AGMO: variants seen among roughly 807,000 people sequenced by gnomAD.
AGMO encodes glyceryl-ether monooxygenase.
Under a neutral mutation model 60.2 loss-of-function variants are expected in AGMO, and 75 were observed. The ratio of observed to expected loss-of-function variants is 1.25; its 90% CI spans 1.03 to 1.51. AGMO has a LOEUF of 1.51. Among genes scored for constraint, AGMO ranks in the 40% most tolerant of loss-of-function variants. AGMO has a pLI of 0.00. For synonymous variants in AGMO, 261 were observed against 177.1 expected, an observed-to-expected ratio of 1.47 and a Z score of -3.76; for missense variants, 763 against 525.5, an observed-to-expected ratio of 1.45 and a Z score of -4.42.
intron 12 of AGMO, among the ~76,000 whole-genome samples, chr7:15,310,205 T>G: frequency 6.6e-6 from 1 of 152,288 alleles, no homozygotes; most frequent in Admixed American, 6.5e-5. Flanking sequence ...TCAGTAATGT[T>G]ATTTAAACAA....
At chr7:15,232,815 A>G (rs949617669) in intron 12 of AGMO, among the ~76,000 whole-genome samples, 1 of 151,758 alleles carries the variant, frequency 6.6e-6, no homozygotes, top group African/African-American at 2.4e-5. Flanking sequence ...ACACACACAC[A>G]CACACACACA....
intron 6 of AGMO, among the ~76,000 whole-genome samples, chr7:15,393,388 T>TGC (rs1359875352): frequency 6.6e-5 from 10 of 152,392 alleles, no homozygotes; most frequent in Non-Finnish European, 1.5e-4. Flanking sequence ...GATTTATTCA[T>TGC]GCCCTTGCAT....
chr7:15,456,467 C>A (rs921613071), intron 3 of AGMO, among the ~76,000 whole-genome samples: 4 of 152,068 alleles, frequency 2.6e-5, no homozygotes, highest in African/African-American at 9.7e-5. Context: ...ATTCTTGAGG[C>A]CAGTGAGGAC....
At chr7:15,396,237 C>A (rs1247989421) in intron 5 of AGMO, 1 of 152,358 alleles carries the variant, frequency 6.6e-6, no homozygotes, top group Non-Finnish European at 1.5e-5. Context: ...CCCACGGACC[C>A]TCGCAGTGAG....
downstream of AGMO, among the ~76,000 whole-genome samples, chr7:15,195,475 C>T (rs1400495330): frequency 6.6e-6 from 1 of 152,140 alleles, no homozygotes; most frequent in African/African-American, 2.4e-5. Context: ...CATAGTACTG[C>T]GAAGAAGCTT....
At chr7:15,237,455 A>G (rs1213145150) in intron 12 of AGMO, among the ~76,000 whole-genome samples, 3 of 151,980 alleles carry the variant, frequency 2.0e-5, no homozygotes, top group African/African-American at 4.8e-5. Flanking sequence ...TACAATGTCT[A>G]CAGAATATAC....
chr7:15,396,761 G>C (rs1322936967), intron 5 of AGMO, among the ~76,000 whole-genome samples: 2 of 151,558 alleles, frequency 1.3e-5, no homozygotes, highest in Admixed American at 6.6e-5. Context: ...TTTACGGAGA[G>C]CTGATTGGTC....
At chr7:15,205,868 G>A (rs1781426385) in intron 12 of AGMO, among the ~76,000 whole-genome samples, 2 of 151,918 alleles carry the variant, frequency 1.3e-5, no homozygotes, top group Non-Finnish European at 2.9e-5. Flanking sequence ...CTGAAAAATT[G>A]TTTCTGTAGT....
At chr7:15,136,704 G>A in the AGMO span, among the ~76,000 whole-genome samples, 6 of 151,992 alleles carry the variant, frequency 3.9e-5, no homozygotes, top group African/African-American at 1.2e-4. Context: ...GTATACGGCA[G>A]CAATTAATTC....
intron 12 of AGMO, among the ~76,000 whole-genome samples, chr7:15,348,683 T>A (rs933228352): frequency 1.3e-5 from 2 of 152,044 alleles, no homozygotes; most frequent in Non-Finnish European, 2.9e-5. Flanking sequence ...TAAATATGAG[T>A]ATAGCATCAC....
chr7:15,335,192 T>A (rs1311187291), intron 12 of AGMO, among the ~76,000 whole-genome samples: 2 of 152,168 alleles, frequency 1.3e-5, no homozygotes, highest in Non-Finnish European at 2.9e-5. Context: ...GAGTTTTCAG[T>A]GGGTTAGGAT....
chr7:15,376,846 A>C (rs757953597), intron 10 of AGMO, among the ~76,000 whole-genome samples: 1 of 152,076 alleles, frequency 6.6e-6, no homozygotes, highest in African/African-American at 2.4e-5. Context: ...TCATATCACT[A>C]AACTAAACAC....
chr7:15,401,099 T>C (rs1306211865), intron 5 of AGMO, among the ~76,000 whole-genome samples: 1 of 152,124 alleles, frequency 6.6e-6, no homozygotes, highest in African/African-American at 2.4e-5. Context: ...ATCACAATTT[T>C]TTTCATGATA....
intron 12 of AGMO, among the ~76,000 whole-genome samples, chr7:15,288,865 AT>A (rs1260760109): frequency 2.7e-5 from 4 of 147,084 alleles, no homozygotes; most frequent in Non-Finnish European, 4.5e-5. Context: ...AAAAAAAAAA[AT>A]ATATATACAC....
At chr7:15,274,707 T>G (rs1783727976) in intron 12 of AGMO, among the ~76,000 whole-genome samples, 1 of 151,652 alleles carries the variant, frequency 6.6e-6, no homozygotes, top group South Asian at 2.1e-4. Context: ...TTTTTTTTTT[T>G]GGTAGATTTT....
intron 12 of AGMO, among the ~76,000 whole-genome samples, chr7:15,348,707 T>G (rs180899983): frequency 2.0e-5 from 3 of 152,232 alleles, no homozygotes; most frequent in East Asian, 3.9e-4. Context: ...GTTTTTCACT[T>G]GAAGGTTTTT....
At chr7:15,359,824 A>C (rs771857399) in intron 12 of AGMO, among the ~76,000 whole-genome samples, 1 of 152,234 alleles carries the variant, frequency 6.6e-6, no homozygotes, top group Non-Finnish European at 1.5e-5. Flanking sequence ...AAAATACAAA[A>C]AATCCTGAAA....
intron 12 of AGMO, among the ~76,000 whole-genome samples, chr7:15,271,739 T>C (rs991270230): frequency 6.6e-6 from 1 of 152,044 alleles, no homozygotes; most frequent in Non-Finnish European, 1.5e-5. Flanking sequence ...ACTTTTTTCT[T>C]GTTCTGGTTC....
At chr7:15,292,745 T>C (rs1216876841) in intron 12 of AGMO, among the ~76,000 whole-genome samples, 1 of 139,776 alleles carries the variant, frequency 7.2e-6, no homozygotes, top group Non-Finnish European at 1.5e-5. Context: ...TCCTCCTTTT[T>C]TTTTCCTTTT....
Sources: allele counts gnomAD v4.1 joint callset (sites outside exome capture counted in the v4.1 genomes callset), GRCh38; gene constraint gnomAD v4.1.1; transcripts MANE v1.5; gene names NCBI Gene and HGNC (gene_info 2026-07-23, HGNC 2026-07-21).